BCL2L13: variants seen among roughly 807,000 people sequenced by gnomAD.
The protein encoded by BCL2L13 is bcl-2-like protein 13.
Under a neutral mutation model 25.8 loss-of-function variants are expected in BCL2L13, and 13 were observed. The observed-to-expected ratio is 0.50, with a 90% confidence interval of 0.33 to 0.80. The LOEUF (loss-of-function observed/expected upper bound fraction) is 0.80. BCL2L13 is among the 30% of genes least tolerant of loss of function. BCL2L13 has a pLI of 0.02. For synonymous variants in BCL2L13, 244 were observed against 230.3 expected, an observed-to-expected ratio of 1.06 and a Z score of -0.54; for missense variants, 504 against 574.9, an observed-to-expected ratio of 0.88 and a Z score of 1.26.
At chr22:17,696,024 G>T (rs1462789367) in intron 4 of BCL2L13, 117 bp from the exon 5 acceptor site, 4 of 638,834 alleles carry the variant, frequency 6.3e-6, no homozygotes, top group Non-Finnish European at 1.1e-5. Context: ...ACAGTATGTT[G>T]AATAATCTTT....
In BCL2L13 at chr22:17,698,555, T is replaced by TAAAAA. The variant is rs1381220605; in HGVS notation, c.456+2345_456+2346insAAAAA. Among the ~76,000 whole-genome samples the TAAAAA allele has an allele frequency of 7.2e-5, 7 of 97,730 alleles. 1 individual carries two copies. Among genetic ancestry groups the TAAAAA allele is most frequent in the Admixed American group, 2.3e-4 (2 of 8,770 alleles). The allele number at this position is 97,730 out of a possible 152,430, so 64.1% of individuals were successfully genotyped here. On this transcript the variant is annotated intron_variant, in intron 5 of 6. Transcript: ENST00000317582. ...GGGCAACATAGCAAGACCCTGTCTC[T>TAAAAA]TAAAAAAAAAAAAAAAAAAAAAGCC...
At chr22:17,639,060 C>T (rs1350492179) in intron 1 of BCL2L13, among the ~76,000 whole-genome samples, 174 bp downstream of exon 1, 1 of 152,204 alleles carries the variant, frequency 6.6e-6, no homozygotes, top group Non-Finnish European at 1.5e-5. Context: ...GTGCTCGGAG[C>T]TTAGGGGTCC....
intron 1 of BCL2L13, among the ~76,000 whole-genome samples, chr22:17,631,165 CG>C (rs1393045860): frequency 6.6e-6 from 1 of 151,076 alleles, no homozygotes; most frequent in East Asian, 2.0e-4. Flanking sequence ...GGTGCAAACT[CG>C]GCTCACTGCA....
At chr22:17,655,640 A>T in intron 1 of BCL2L13, 22 bp from the exon 2 acceptor site, 1 of 1,546,142 alleles carries the variant, frequency 6.5e-7, no homozygotes, top group South Asian at 1.2e-5. Context: ...TTAAACTGAA[A>T]AAATTACTTT....
intron 2 of BCL2L13, among the ~76,000 whole-genome samples, chr22:17,680,918 G>A (rs1490660171): frequency 6.6e-6 from 1 of 152,122 alleles, no homozygotes; most frequent in South Asian, 2.1e-4. Flanking sequence ...GGTCTGGTCA[G>A]CAGGTATGGT....
intron 2 of BCL2L13, among the ~76,000 whole-genome samples, chr22:17,657,352 C>A (rs1002580097): frequency 3.3e-5 from 4 of 122,902 alleles, no homozygotes; most frequent in Non-Finnish European, 7.0e-5. Context: ...TCTTTGAATA[C>A]TCTCCTCATC....
At position 17,659,660 on chromosome 22, in the gene BCL2L13, A is replaced by AAAAACAAAAC. The variant is rs149548796; in HGVS notation, c.121+3843_121+3852dup. The stretch of plus-strand genomic sequence containing the variant: ...TGGGCGACAGAACGAGACTCCGTCA[A>AAAAACAAAAC]AAAACAAAACAAAACAAAACAAAAA... On this transcript the variant is annotated intron_variant, in intron 2 of 6. Coordinates refer to ENST00000317582, the MANE Select transcript of BCL2L13 (RefSeq NM_015367.4). Among the ~76,000 whole-genome samples the AAAAACAAAAC allele has an allele frequency of 1.4e-5, 2 of 144,858 alleles. 1 individual carries two copies. The highest frequency in any genetic ancestry group is 3.1e-5 in the Non-Finnish European group (2 of 63,828).
Position 17,641,092 on chromosome 22 carries a change from G to A in BCL2L13, c.-51+2206G>A, listed in dbSNP as rs1203627101. Among the ~76,000 whole-genome samples, 4 of 151,884 alleles carry A rather than the reference G, an allele frequency of 2.6e-5. No individual in the cohort carries two copies. In the South Asian group the frequency reaches 6.3e-4, roughly 24 times the overall value. On this transcript the variant is annotated intron_variant, in intron 1 of 6. Coordinates refer to ENST00000317582, the MANE Select transcript of BCL2L13 (RefSeq NM_015367.4). Reference sequence around the variant, plus strand: ...TTTTTAGTAGAGACGGGGTTTCACCGTGTTAGCCAGGATGGTCTCGATCTC... The same window carrying A: ...TTTTTAGTAGAGACGGGGTTTCACCATGTTAGCCAGGATGGTCTCGATCTC...
At chr22:17,642,721 G>A (rs2058337555) in intron 1 of BCL2L13, among the ~76,000 whole-genome samples, 1 of 151,868 alleles carries the variant, frequency 6.6e-6, no homozygotes, top group African/African-American at 2.4e-5. Flanking sequence ...AGCCTTCCAA[G>A]TAGCTGGGAT....
At chr22:17,680,770 G>A (rs911943693) in intron 2 of BCL2L13, among the ~76,000 whole-genome samples, 1 of 152,072 alleles carries the variant, frequency 6.6e-6, no homozygotes, top group African/African-American at 2.4e-5. Flanking sequence ...CTTTCTGGGT[G>A]GTGATTTTAG....
chr22:17,709,453 G>A (rs1057384100), intron 6 of BCL2L13, among the ~76,000 whole-genome samples: 4 of 151,582 alleles, frequency 2.6e-5, no homozygotes, highest in Non-Finnish European at 5.9e-5. Flanking sequence ...AAATTAGCCA[G>A]GCATGGTCGT....
Position 17,639,646 on chromosome 22 carries a change from C to G in BCL2L13, c.-51+760C>G, listed in dbSNP as rs180782667. Among the ~76,000 whole-genome samples, 37 of 152,314 alleles carry G rather than the reference C, an allele frequency of 2.4e-4. No homozygotes were observed. The East Asian group carries it at 7.1e-3, about 29-fold the overall frequency. ...GTGTTTGTTTATTCAAAATAGCTAT[C>G]TCACTGTCTCTGTTTAGAAGTTTGA... is the stretch of plus-strand genomic sequence containing the variant. On this transcript the variant is annotated intron_variant, in intron 1 of 6. Coordinates refer to ENST00000317582, the MANE Select transcript of BCL2L13 (RefSeq NM_015367.4).
chr22:17,727,214 C>A lies in BCL2L13; in HGVS notation c.1138C>A (p.Leu380Ile), dbSNP rs2061322471. Residue 380 changes from leucine to isoleucine, a missense_variant, in exon 7 of 7, where the codon CTT becomes ATT. By Grantham distance (5) the Leu-to-Ile change is conservative (BLOSUM62 2). Coordinates refer to ENST00000317582, the MANE Select transcript of BCL2L13 (RefSeq NM_015367.4). ...SSPATSLFVE[L>I]DEEEVKAATT... is the part of the protein sequence containing the mutation. ...CCCTGCTACATCTCTGTTTGTAGAA[C>A]TTGATGAAGAAGAGGTGAAAGCAGC... 1 of 1,614,218 alleles carries A rather than the reference C, an allele frequency of 6.2e-7. No individual in the cohort carries two copies. The highest frequency in any genetic ancestry group is 1.1e-5 in the South Asian group (1 of 91,086).
intron 2 of BCL2L13, among the ~76,000 whole-genome samples, chr22:17,673,132 GAC>G (rs992249060): frequency 7.9e-5 from 12 of 152,068 alleles, no homozygotes; most frequent in Non-Finnish European, 1.3e-4. Flanking sequence ...GGATAGACTT[GAC>G]AGCCTTTACA....
chr22:17,673,720 A>G (rs2059490822), intron 2 of BCL2L13, among the ~76,000 whole-genome samples: 1 of 151,950 alleles, frequency 6.6e-6, no homozygotes, highest in African/African-American at 2.4e-5. Context: ...CTCAAAATAT[A>G]CTGATAACTT....
intron 1 of BCL2L13, among the ~76,000 whole-genome samples, chr22:17,641,274 A>G (rs1046182682): frequency 1.3e-5 from 2 of 152,208 alleles, no homozygotes; most frequent in Non-Finnish European, 2.9e-5. Context: ...GTCTGCATTT[A>G]TCATTTTTTA....
At chr22:17,702,504 C>G in intron 6 of BCL2L13, 118 bp downstream of exon 6, 1 of 991,160 alleles carries the variant, frequency 1.0e-6, no homozygotes, top group Middle Eastern at 3.3e-4. Flanking sequence ...TAATTGCTGG[C>G]ACTATCATGG....
intron 5 of BCL2L13, among the ~76,000 whole-genome samples, chr22:17,697,491 C>T (rs771197611): frequency 1.3e-4 from 20 of 152,010 alleles, no homozygotes; most frequent in Non-Finnish European, 2.8e-4. Flanking sequence ...CATGTATGTG[C>T]AGGTTTGTTA....
chr22:17,688,765 GTTGT>G (rs2145619803), intron 3 of BCL2L13, among the ~76,000 whole-genome samples: 1 of 141,088 alleles, frequency 7.1e-6, no homozygotes, highest in Non-Finnish European at 1.6e-5. Flanking sequence ...TTTTGATATT[GTTGT>G]TTTTTTTTTT....
Sources: gnomAD v4.1 joint callset for allele counts (sites outside exome capture counted in the v4.1 genomes callset) on GRCh38, gnomAD v4.1.1 for gene constraint, MANE v1.5 for transcripts, NCBI Gene and HGNC (gene_info 2026-07-23, HGNC 2026-07-21) for gene names.